ADRA1B: variants seen among roughly 807,000 people sequenced by gnomAD.
ADRA1B encodes the protein adrenoceptor alpha 1B, also known as alpha-1B adrenergic receptor.
A neutral mutation model predicts 17.9 loss-of-function variants in ADRA1B; 17 were observed. The observed-to-expected ratio is 0.95, with a 90% CI of 0.65 to 1.42. The LOEUF (loss-of-function observed/expected upper bound fraction) is 1.42. Among genes scored for constraint, ADRA1B ranks in the 40% most tolerant of loss-of-function variants. The pLI is 0.00. For missense variants in ADRA1B, 681 were observed against 722.1 expected (o/e 0.94, Z 0.65); for synonymous variants, 366 against 327.6 (o/e 1.12, Z -1.27).
rs1375664519 is a variant in ADRA1B, at chr5:159,972,354, C to T, written c.1425C>T (p.Thr475=). 11 of 1,504,072 alleles carry T rather than the reference C, an allele frequency of 7.3e-6. No homozygotes were observed. Among genetic ancestry groups the T allele is most frequent in the Non-Finnish European group, 6.2e-6 (7 of 1,133,292 alleles). 93.2% of individuals were successfully genotyped at this position (1,504,072 alleles called of 1,614,324 possible). A position where few individuals can be genotyped will look rare whatever the true frequency, so the allele number is the denominator to read the frequency against. ...GCCACGACTCGGGCCCGCTCTTCACCTTCAAGCTCCTGACCGAGCCCGAGA... is the reference window on the plus strand; with the variant it reads ...GCCACGACTCGGGCCCGCTCTTCACTTTCAAGCTCCTGACCGAGCCCGAGA... ...RGRHDSGPLF[T]FKLLTEPESP... is the part of the protein sequence containing the mutation. The change falls in exon 2 of 2, where the codon ACC becomes ACT. Residue 475 remains threonine (T), a synonymous_variant. Transcript: ENST00000306675.
intron 1 of ADRA1B, chr5:159,947,721 G>A (rs1755315764): frequency 2.0e-6 from 2 of 985,252 alleles, no homozygotes; most frequent in South Asian, 9.4e-5. Flanking sequence ...TGAAGACGTT[G>A]AATGCTTGCT....
At chr5:159,922,031 A>G (rs1367093084) in intron 1 of ADRA1B, among the ~76,000 whole-genome samples, 1 of 152,232 alleles carries the variant, frequency 6.6e-6, no homozygotes, top group Admixed American at 6.5e-5. Flanking sequence ...AGTAAAACCC[A>G]TTTGACCATG....
At chr5:159,975,303 A>C (rs1410329182), downstream of ADRA1B, among the ~76,000 whole-genome samples, 1 of 152,154 alleles carries the variant, frequency 6.6e-6, no homozygotes, top group East Asian at 1.9e-4. Flanking sequence ...GATGTTTAAA[A>C]ATCACTGGTC....
chr5:159,983,633 T>C, the ADRA1B span, among the ~76,000 whole-genome samples: 1 of 152,208 alleles, frequency 6.6e-6, no homozygotes, highest in Admixed American at 6.5e-5. Context: ...GAAGTTTGAT[T>C]GTGTCTGCTG....
chr5:159,880,389 C>T (rs965213610), intron 1 of ADRA1B, among the ~76,000 whole-genome samples: 1 of 152,192 alleles, frequency 6.6e-6, no homozygotes, highest in African/African-American at 2.4e-5. Flanking sequence ...GCAAGAGTTT[C>T]CCATCCCACT....
chr5:159,922,850 C>G (rs1754526979), intron 1 of ADRA1B, among the ~76,000 whole-genome samples: 2 of 152,202 alleles, frequency 1.3e-5, no homozygotes, highest in African/African-American at 2.4e-5. Context: ...GAATTTGGCT[C>G]TAGTAGGGAA....
rs1753747673 is a variant in ADRA1B at position 159,871,984 on chromosome 5, G to A, written c.-256+6778G>A. On this transcript the variant is annotated intron_variant, in intron 1 of 2. Coordinates refer to the ADRA1B transcript ENST00000641205. The stretch of plus-strand genomic sequence containing the variant: ...CCCTACTACTTTATGTACTCATGAG[G>A]GATCCTGCAGGACAATAAGCTTTGA... Among the ~76,000 whole-genome samples the A allele has an allele frequency of 2.6e-5, 4 of 152,072 alleles. No individual in the cohort carries two copies. In the South Asian group the frequency reaches 6.3e-4, roughly 24 times the overall value.
At chr5:159,919,913 G>A (rs1441382341) in intron 1 of ADRA1B, among the ~76,000 whole-genome samples, 3 of 152,198 alleles carry the variant, frequency 2.0e-5, no homozygotes, top group Non-Finnish European at 4.4e-5. Flanking sequence ...TCCCATTTGA[G>A]CTTTGCCATC....
At chr5:159,872,203 T>C (rs556108807) in intron 1 of ADRA1B, among the ~76,000 whole-genome samples, 5 of 152,298 alleles carry the variant, frequency 3.3e-5, no homozygotes, top group African/African-American at 1.2e-4. Flanking sequence ...GTCAACATTG[T>C]TAGAAATTGC....
At chr5:159,900,553 T>C (rs1318862777) in intron 1 of ADRA1B, among the ~76,000 whole-genome samples, 1 of 152,246 alleles carries the variant, frequency 6.6e-6, no homozygotes, top group Non-Finnish European at 1.5e-5. Context: ...ATTGATTTTA[T>C]TTTTATAGAT....
In ADRA1B at chr5:159,972,615, G is replaced by C. The variant is rs950077980; in HGVS notation, c.*123G>C. The stretch of plus-strand genomic sequence containing the variant: ...GACGCGCGCCCCAAGGGGAACCGGG[G>C]GGAGGGCCGGGGAGAGGGGCAGCTG... On this transcript the variant is annotated 3_prime_UTR_variant, in exon 2 of 2. Coordinates refer to ENST00000306675, the MANE Select transcript of ADRA1B (RefSeq NM_000679.4). The C allele has an allele frequency of 1.0e-6, 1 of 982,078 alleles. No homozygotes were observed. The highest frequency in any genetic ancestry group is 2.5e-5 in the South Asian group (1 of 40,560). 60.8% of individuals were successfully genotyped at this position (982,078 alleles called of 1,614,324 possible).
intron 1 of ADRA1B, among the ~76,000 whole-genome samples, chr5:159,881,180 C>CAAAAA (rs35928792): frequency 1.8e-4 from 10 of 56,820 alleles, no homozygotes; most frequent in African/African-American, 5.6e-4. Context: ...GACTCCGTCT[C>CAAAAA]AAAAAAAAAA....
At position 159,905,538 on chromosome 5, in the gene ADRA1B, T is replaced by C. The variant is rs1293658495; in HGVS notation, c.-255-10581T>C. 2.0e-5 allele frequency among the ~76,000 whole-genome samples: 3 copies of C among 152,258 alleles called. No homozygotes were observed. In the East Asian group the frequency reaches 5.8e-4, roughly 29 times the overall value. On this transcript the variant is annotated intron_variant, in intron 1 of 2. Transcript: ENST00000641205. Reference sequence around the variant, plus strand: ...ACTCACTCATCTAATAAATATTTACTGAGCACTTACTAACCATTAGACAAT... The same window carrying C: ...ACTCACTCATCTAATAAATATTTACCGAGCACTTACTAACCATTAGACAAT...
At chr5:159,905,163 G>A (rs1444289604) in intron 1 of ADRA1B, among the ~76,000 whole-genome samples, 3 of 152,226 alleles carry the variant, frequency 2.0e-5, no homozygotes, top group Non-Finnish European at 4.4e-5. Flanking sequence ...GGAAGCAACA[G>A]GAGACCATTG....
intron 1 of ADRA1B, among the ~76,000 whole-genome samples, chr5:159,928,249 G>C (rs1477315377): frequency 3.3e-5 from 5 of 152,096 alleles, no homozygotes; most frequent in Admixed American, 6.5e-5. Context: ...TGCAGGGGGA[G>C]GGCCATCTTC....
chr5:159,910,425 A>C (rs1398433581), intron 1 of ADRA1B, among the ~76,000 whole-genome samples: 1 of 152,220 alleles, frequency 6.6e-6, no homozygotes, highest in East Asian at 1.9e-4. Context: ...GCATGGAGTC[A>C]AATCTCCTGG....
At chr5:159,949,832 T>C (rs1199949666) in intron 1 of ADRA1B, among the ~76,000 whole-genome samples, 1 of 152,224 alleles carries the variant, frequency 6.6e-6, no homozygotes, top group Non-Finnish European at 1.5e-5. Context: ...TGTTGGATTC[T>C]CTTGCCAAAT....
At chr5:159,876,422 C>G (rs986956872) in intron 1 of ADRA1B, among the ~76,000 whole-genome samples, 7 of 152,114 alleles carry the variant, frequency 4.6e-5, no homozygotes, top group African/African-American at 1.7e-4. Context: ...TCTTTCTTAT[C>G]CAGGAGCAAA....
upstream of ADRA1B, among the ~76,000 whole-genome samples, chr5:159,913,244 GC>G (rs1261363261): frequency 2.0e-5 from 3 of 152,164 alleles, no homozygotes; most frequent in African/African-American, 7.2e-5. Context: ...GCTTGACTTT[GC>G]CCCAGGGAGT....
Sources: gnomAD v4.1 joint callset for allele counts (sites outside exome capture counted in the v4.1 genomes callset) on GRCh38, gnomAD v4.1.1 for gene constraint, MANE v1.5 for transcripts, NCBI Gene and HGNC (gene_info 2026-07-23, HGNC 2026-07-21) for gene names.